The following OR7E24 variants were observed in gnomAD, a reference collection of about 807,000 sequenced individuals.
The protein encoded by OR7E24 is olfactory receptor 7E24.
For missense variants in OR7E24, 385 were observed against 410.3 expected (o/e 0.94, Z 0.53); for synonymous variants, 130 against 157.5 (o/e 0.83, Z 1.31).
At chr19:9,250,830 T>G (rs1199040862), upstream of OR7E24, 1 of 414,510 alleles carries the variant, frequency 2.4e-6, no homozygotes, top group Non-Finnish European at 4.3e-6. Context: ...CTCTAATGTT[T>G]TTGCTCTCCT....
At chr19:9,208,693 T>TTTTG in the OR7E24 span, 1 of 147,478 alleles carries the variant, frequency 6.8e-6, no homozygotes, top group African/African-American at 2.6e-5. Flanking sequence ...ATGCTGCCTT[T>TTTTG]TTTTTTTTTT....
At chr19:9,215,067 G>A in the OR7E24 span, among the ~76,000 whole-genome samples, 3 of 151,958 alleles carry the variant, frequency 2.0e-5, no homozygotes, top group Non-Finnish European at 2.9e-5. Context: ...CTCTTTGGCC[G>A]GGCATGGTGG....
At chr19:9,225,357 C>T in the OR7E24 span, among the ~76,000 whole-genome samples, 1 of 112,846 alleles carries the variant, frequency 8.9e-6, no homozygotes, top group African/African-American at 4.8e-5. Context: ...GCAACAAGAG[C>T]GAAACTCAAG....
upstream of OR7E24, among the ~76,000 whole-genome samples, chr19:9,245,359 C>T (rs530992773): frequency 6.6e-6 from 1 of 152,242 alleles, no homozygotes; most frequent in Admixed American, 6.5e-5. Context: ...TGAGATACCA[C>T]CCAATAGGAT....
chr19:9,250,148 G>A (rs753931287), upstream of OR7E24, among the ~76,000 whole-genome samples: 6 of 152,106 alleles, frequency 3.9e-5, no homozygotes, highest in African/African-American at 9.7e-5. Context: ...TGCCTAGAGT[G>A]CGGTGGTATG....
At chr19:9,231,600 C>T in the OR7E24 span, among the ~76,000 whole-genome samples, 1 of 152,102 alleles carries the variant, frequency 6.6e-6, no homozygotes, top group Admixed American at 6.5e-5. Flanking sequence ...GCAACAACAA[C>T]AAAAATTGTC....
the OR7E24 span, among the ~76,000 whole-genome samples, chr19:9,234,635 C>T: frequency 1.3e-5 from 2 of 152,158 alleles, no homozygotes; most frequent in Non-Finnish European, 2.9e-5. Context: ...CTCAGATACC[C>T]TGATGTGATT....
the OR7E24 span, chr19:9,235,427 T>G: frequency 6.2e-7 from 1 of 1,605,728 alleles, no homozygotes; most frequent in East Asian, 2.2e-5. Flanking sequence ...ATCTCCTACA[T>G]GGGGTGCCTC....
upstream of OR7E24, chr19:9,247,503 G>C: frequency 2.5e-6 from 1 of 398,728 alleles, no homozygotes; most frequent in Admixed American, 4.4e-5. Context: ...CCCAGCAGAG[G>C]GGAAGCGCAG....
chr19:9,237,729 G>C, the OR7E24 span, among the ~76,000 whole-genome samples: 1 of 152,164 alleles, frequency 6.6e-6, no homozygotes, highest in Admixed American at 6.5e-5. Context: ...GATGGACAAG[G>C]GGTGATTTCC....
chr19:9,237,585 G>T, the OR7E24 span, among the ~76,000 whole-genome samples: 1 of 152,132 alleles, frequency 6.6e-6, no homozygotes, highest in Admixed American at 6.5e-5. Flanking sequence ...AAAGTGCTGG[G>T]ATTACAGGCA....
Position 9,252,256 on chromosome 19 carries a change from A to G in OR7E24, c.*193A>G. 1 of 521,584 alleles carries G rather than the reference A, an allele frequency of 1.9e-6. No individual in the cohort carries two copies. Among genetic ancestry groups the G allele is most frequent in the East Asian group, 3.3e-5 (1 of 30,414 alleles). 32.3% of individuals were successfully genotyped at this position (521,584 alleles called of 1,614,324 possible). ...CATACACATCATGAATGATTCCAAT[A>G]TACCTAGACAGCCTCCTTTAGTATC... On this transcript the variant is annotated 3_prime_UTR_variant, in exon 1 of 1. Coordinates refer to ENST00000456448, the MANE Select transcript of OR7E24 (RefSeq NM_001079935.2).
chr19:9,225,972 T>C, the OR7E24 span, among the ~76,000 whole-genome samples: 1 of 152,220 alleles, frequency 6.6e-6, no homozygotes, highest in Non-Finnish European at 1.5e-5. Context: ...TGTGCCAAGC[T>C]TGCTCCTGGG....
the OR7E24 span, among the ~76,000 whole-genome samples, chr19:9,239,299 A>G: frequency 2.0e-5 from 3 of 151,918 alleles, no homozygotes; most frequent in Non-Finnish European, 2.9e-5. Flanking sequence ...CCTCCCGAGT[A>G]GCTGGGACTA....
At chr19:9,211,508 A>G in the OR7E24 span, 1 of 152,366 alleles carries the variant, frequency 6.6e-6, no homozygotes, top group East Asian at 1.9e-4. Flanking sequence ...TATAGAAAGT[A>G]AAATAGAAAG....
chr19:9,213,729 C>T, the OR7E24 span: 2 of 608,686 alleles, frequency 3.3e-6, no homozygotes, highest in Non-Finnish European at 5.8e-6. Flanking sequence ...CAGAGCCAGA[C>T]TCTGTCTCAA....
upstream of OR7E24, chr19:9,247,254 A>T (rs1599233292): frequency 2.6e-6 from 1 of 382,170 alleles, no homozygotes. Flanking sequence ...GGGAACATGG[A>T]CCAGTTTGGC....
chr19:9,237,540 C>T, the OR7E24 span, among the ~76,000 whole-genome samples: 1 of 152,046 alleles, frequency 6.6e-6, no homozygotes, highest in African/African-American at 2.4e-5. Flanking sequence ...TGGTCTCGAT[C>T]TCCTGACCTT....
At chr19:9,239,047 G>T in the OR7E24 span, among the ~76,000 whole-genome samples, 2 of 152,146 alleles carry the variant, frequency 1.3e-5, no homozygotes, top group African/African-American at 4.8e-5. Context: ...TGGATCCTAA[G>T]GTAGTTCTAT....
Sources: gnomAD v4.1 joint callset for allele counts (sites outside exome capture counted in the v4.1 genomes callset) on GRCh38, gnomAD v4.1.1 for gene constraint, MANE v1.5 for transcripts, NCBI Gene and HGNC (gene_info 2026-07-23, HGNC 2026-07-21) for gene names.